Variants in AUTS2 observed in about 807,000 individuals in gnomAD.
The protein encoded by AUTS2 is autism susceptibility gene 2 protein.
A neutral mutation model predicts 112.4 loss-of-function variants in AUTS2; 17 were observed. That is an observed-to-expected ratio of 0.15 (90% CI 0.10 to 0.23). The LOEUF (loss-of-function observed/expected upper bound fraction) is 0.23. AUTS2 is among the 10% of genes least tolerant of loss of function. The pLI, the probability that AUTS2 is intolerant of heterozygous loss-of-function variation, is 1.00. For missense variants in AUTS2, 1,510 were observed against 1,701.6 expected (o/e 0.89, Z 1.98); for synonymous variants, 751 against 702.7 (o/e 1.07, Z -1.09).
chr7:70,361,213 G>C (rs1792246437), intron 4 of AUTS2, among the ~76,000 whole-genome samples: 1 of 152,072 alleles, frequency 6.6e-6, no homozygotes, highest in African/African-American at 2.4e-5. Flanking sequence ...GACGCCCGTA[G>C]TCCCAGCTAC....
chr7:70,415,392 G>C (rs1043289458), intron 4 of AUTS2, among the ~76,000 whole-genome samples: 1 of 152,208 alleles, frequency 6.6e-6, no homozygotes, highest in African/African-American at 2.4e-5. Flanking sequence ...TGGAATACAT[G>C]TGTAAGCATA....
intron 5 of AUTS2, among the ~76,000 whole-genome samples, chr7:70,585,230 C>A (rs1802626321): frequency 1.3e-5 from 2 of 152,142 alleles, no homozygotes; most frequent in Non-Finnish European, 2.9e-5. Flanking sequence ...GGCAAACTGT[C>A]CCTGCCCTGC....
intron 1 of AUTS2, among the ~76,000 whole-genome samples, chr7:69,803,514 G>A (rs1790173892): frequency 1.1e-5 from 1 of 94,608 alleles, no homozygotes; most frequent in Non-Finnish European, 2.0e-5. Flanking sequence ...GCATACAAAT[G>A]TTACCATCTT....
At chr7:69,828,308 A>G (rs1037201472) in intron 1 of AUTS2, among the ~76,000 whole-genome samples, 4 of 152,160 alleles carry the variant, frequency 2.6e-5, no homozygotes, top group Admixed American at 2.0e-4. Flanking sequence ...GATTTTGATG[A>G]AGAGAAGTAT....
At chr7:70,547,235 T>C (rs1585285017) in intron 5 of AUTS2, among the ~76,000 whole-genome samples, 1 of 152,194 alleles carries the variant, frequency 6.6e-6, no homozygotes, top group South Asian at 2.1e-4. Context: ...ACATTTCATA[T>C]AATGGAACAA....
At chr7:69,916,878 G>T (rs1211608920) in intron 2 of AUTS2, among the ~76,000 whole-genome samples, 3 of 152,094 alleles carry the variant, frequency 2.0e-5, no homozygotes, top group Non-Finnish European at 4.4e-5. Context: ...GTTAAATTCT[G>T]CTCCTCAAAT....
At chr7:70,419,246 G>T (rs1445831547) in intron 4 of AUTS2, among the ~76,000 whole-genome samples, 1 of 152,074 alleles carries the variant, frequency 6.6e-6, no homozygotes, top group Non-Finnish European at 1.5e-5. Flanking sequence ...ACCTTGACCT[G>T]TTCCCCAATT....
chr7:70,326,500 TCA>T (rs1790493261), intron 4 of AUTS2, among the ~76,000 whole-genome samples: 3 of 152,202 alleles, frequency 2.0e-5, no homozygotes. Context: ...GACCTCTGAC[TCA>T]CAGTTACACA....
At chr7:70,368,810 G>T (rs1792704707) in intron 4 of AUTS2, among the ~76,000 whole-genome samples, 1 of 152,152 alleles carries the variant, frequency 6.6e-6, no homozygotes, top group Non-Finnish European at 1.5e-5. Context: ...GGAAGGGATG[G>T]CAGTGGCTTC....
intron 2 of AUTS2, among the ~76,000 whole-genome samples, chr7:69,929,175 T>G (rs1796139454): frequency 6.6e-6 from 1 of 152,222 alleles, no homozygotes; most frequent in South Asian, 2.1e-4. Context: ...TTTCTTTTAG[T>G]AATTTAAAAG....
At chr7:70,303,073 T>C (rs1343481688) in intron 4 of AUTS2, among the ~76,000 whole-genome samples, 1 of 152,152 alleles carries the variant, frequency 6.6e-6, no homozygotes, top group Non-Finnish European at 1.5e-5. Context: ...GTTGGAATCT[T>C]TGAAGATAAA....
intron 2 of AUTS2, among the ~76,000 whole-genome samples, chr7:70,000,025 C>T (rs192125117): frequency 1.0e-3 from 155 of 152,238 alleles, no homozygotes; most frequent in Non-Finnish European, 1.9e-3. Flanking sequence ...CAGCTTAATT[C>T]GACTGGATGC....
intron 4 of AUTS2, among the ~76,000 whole-genome samples, chr7:70,257,666 C>G (rs1280531185): frequency 6.6e-6 from 1 of 151,146 alleles, no homozygotes; most frequent in Non-Finnish European, 1.5e-5. Context: ...CTGTGTTACC[C>G]AGGCTGGTCT....
chr7:69,945,989 C>G (rs1035503331), intron 2 of AUTS2, among the ~76,000 whole-genome samples: 2 of 152,048 alleles, frequency 1.3e-5, no homozygotes, highest in African/African-American at 4.8e-5. Context: ...GGCTCGTGCC[C>G]ACCATGTCTG....
intron 5 of AUTS2, among the ~76,000 whole-genome samples, chr7:70,492,198 A>G (rs1798277114): frequency 6.6e-6 from 1 of 152,114 alleles, no homozygotes; most frequent in South Asian, 2.1e-4. Context: ...CCTAACCCTA[A>G]GTTGAGACCT....
At chr7:69,681,370 C>A (rs1377074391) in intron 1 of AUTS2, among the ~76,000 whole-genome samples, 2 of 152,224 alleles carry the variant, frequency 1.3e-5, no homozygotes, top group African/African-American at 4.8e-5. Context: ...TGCAGTGTCA[C>A]CAACAGTGCA....
chr7:69,807,940 CT>C (rs34491458), intron 1 of AUTS2, among the ~76,000 whole-genome samples: 2,089 of 120,400 alleles, frequency 0.017, 11 homozygotes, highest in Non-Finnish European at 0.022. Context: ...TAGGCCCAAG[CT>C]TTTTTTTTTT....
intron 3 of AUTS2, among the ~76,000 whole-genome samples, chr7:70,132,164 TAAAAAAAAAAAA>T (rs200482728): frequency 3.9e-5 from 4 of 102,596 alleles, no homozygotes; most frequent in South Asian, 3.2e-4. Context: ...TCTTTTCCCT[TAAAAAAAAAAAA>T]AAAAAAAAAA....
intron 1 of AUTS2, among the ~76,000 whole-genome samples, chr7:69,854,505 T>C (rs1792631940): frequency 6.6e-6 from 1 of 152,162 alleles, no homozygotes; most frequent in South Asian, 2.1e-4. Flanking sequence ...GTAAAAGATA[T>C]AACCTAGATT....
Sources: gnomAD v4.1 joint callset for allele counts (sites outside exome capture counted in the v4.1 genomes callset) on GRCh38, gnomAD v4.1.1 for gene constraint, MANE v1.5 for transcripts, NCBI Gene and HGNC (gene_info 2026-07-23, HGNC 2026-07-21) for gene names.